The following HECW2 variants were observed in gnomAD, a reference collection of about 807,000 sequenced individuals.
HECW2 encodes the protein E3 ubiquitin-protein ligase HECW2.
Under a neutral mutation model 175.2 loss-of-function variants are expected in HECW2, and 61 were observed. That is an observed-to-expected ratio of 0.35 (90% confidence interval 0.28 to 0.43). The LOEUF (loss-of-function observed/expected upper bound fraction) is 0.43. Among genes scored for constraint, HECW2 ranks in the 20% least tolerant of loss-of-function variants. The pLI is 1.00. For missense variants in HECW2, 1,524 were observed against 2,000.5 expected (o/e 0.76, Z 4.54); for synonymous variants, 671 against 731.0 (o/e 0.92, Z 1.32).
At chr2:196,464,116 T>G (rs553093401) in intron 1 of HECW2, among the ~76,000 whole-genome samples, 1 of 152,212 alleles carries the variant, frequency 6.6e-6, no homozygotes, top group African/African-American at 2.4e-5. Context: ...GCGGCCATTA[T>G]CATCTCAACT....
chr2:196,476,049 G>T lies in HECW2; in HGVS notation c.-35-42591C>A, dbSNP rs73051059. Among the ~76,000 whole-genome samples, 389 of 152,246 alleles carry T rather than the reference G, an allele frequency of 2.6e-3. 1 individual carries two copies. The highest frequency in any genetic ancestry group is 9.1e-3 in the African/African-American group (378 of 41,538). ...ACACAGGGAAAACCCATTTGGTGTAGTGAATGACCCTAGAGTCAAACAGCC... is the reference window on the plus strand; with the variant it reads ...ACACAGGGAAAACCCATTTGGTGTATTGAATGACCCTAGAGTCAAACAGCC... On this transcript the variant is annotated intron_variant, in intron 1 of 28. Coordinates refer to ENST00000644978, the MANE Select transcript of HECW2 (RefSeq NM_001348768.2).
At chr2:196,426,259 A>G (rs374923037) in intron 2 of HECW2, among the ~76,000 whole-genome samples, 1 of 152,132 alleles carries the variant, frequency 6.6e-6, no homozygotes, top group South Asian at 2.1e-4. Flanking sequence ...ACTGGCTTTA[A>G]TTTGCTATTC....
intron 25 of HECW2, 24 bp downstream of exon 25, chr2:196,220,768 ACTC>A: frequency 1.9e-6 from 3 of 1,612,710 alleles, no homozygotes; most frequent in South Asian, 2.2e-5. Context: ...CAGACTGCAA[ACTC>A]CTCCTACTGC....
At chr2:196,372,342 T>C (rs1693929964) in intron 2 of HECW2, among the ~76,000 whole-genome samples, 1 of 152,244 alleles carries the variant, frequency 6.6e-6, no homozygotes, top group Admixed American at 6.5e-5. Context: ...TTCTCCCTTA[T>C]TGAAGACCTG....
chr2:196,308,552 G>A (rs1691359405), intron 10 of HECW2, among the ~76,000 whole-genome samples: 2 of 152,232 alleles, frequency 1.3e-5, no homozygotes, highest in South Asian at 4.1e-4. Flanking sequence ...AGTAAATTTA[G>A]TCCTCAGAAA....
chr2:196,303,672 T>C (rs947579287), intron 13 of HECW2, among the ~76,000 whole-genome samples: 3 of 152,358 alleles, frequency 2.0e-5, no homozygotes, highest in Non-Finnish European at 2.9e-5. Flanking sequence ...CTATTTCTTC[T>C]AGATTTTCTA....
intron 1 of HECW2, among the ~76,000 whole-genome samples, chr2:196,593,146 A>G (rs1691271162): frequency 6.6e-6 from 1 of 151,024 alleles, no homozygotes. Flanking sequence ...AGCGACACCC[A>G]GAGCTCTCGA....
At chr2:196,519,191 C>T (rs996658388) in intron 1 of HECW2, among the ~76,000 whole-genome samples, 4 of 152,174 alleles carry the variant, frequency 2.6e-5, no homozygotes, top group African/African-American at 4.8e-5. Context: ...AGGGGCTAAG[C>T]AGCATGCCCA....
chr2:196,410,068 A>C (rs1695068660), intron 2 of HECW2, among the ~76,000 whole-genome samples: 1 of 152,164 alleles, frequency 6.6e-6, no homozygotes, highest in African/African-American at 2.4e-5. Flanking sequence ...CCTCAAAATA[A>C]GTGCTCATGA....
chr2:196,468,010 T>A (rs1051923097), intron 1 of HECW2, among the ~76,000 whole-genome samples: 1 of 152,058 alleles, frequency 6.6e-6, no homozygotes, highest in Non-Finnish European at 1.5e-5. Context: ...ATTCTCCCAG[T>A]TGTTTCTTTT....
chr2:196,371,194 T>A (rs1011248190), intron 2 of HECW2, among the ~76,000 whole-genome samples: 4 of 152,156 alleles, frequency 2.6e-5, no homozygotes, highest in Non-Finnish European at 4.4e-5. Context: ...TAACAGACAA[T>A]GGTGTAGAGT....
At chr2:196,328,552 T>C (rs1324782435) in intron 5 of HECW2, among the ~76,000 whole-genome samples, 2 of 152,234 alleles carry the variant, frequency 1.3e-5, no homozygotes, top group Non-Finnish European at 2.9e-5. Flanking sequence ...TTATGCTTTG[T>C]GGAATAGTCT....
At chr2:196,355,950 T>C (rs1472687241) in intron 2 of HECW2, among the ~76,000 whole-genome samples, 1 of 152,168 alleles carries the variant, frequency 6.6e-6, no homozygotes. Context: ...AGCAGGGGAC[T>C]GAACCACAGG....
intron 13 of HECW2, among the ~76,000 whole-genome samples, chr2:196,302,896 A>G (rs1691118251): frequency 6.6e-6 from 1 of 152,144 alleles, no homozygotes; most frequent in South Asian, 2.1e-4. Context: ...CTAGCTGAAT[A>G]CCTTTTATTT....
intron 27 of HECW2, 23 bp from the exon 28 acceptor site, chr2:196,216,000 G>A (rs1406327345): frequency 1.9e-6 from 3 of 1,554,240 alleles, no homozygotes; most frequent in Non-Finnish European, 8.9e-7. Flanking sequence ...GAAAACAGAA[G>A]GAGAAGGTGA....
chr2:196,378,014 T>A (rs1229103072), intron 2 of HECW2, among the ~76,000 whole-genome samples: 1 of 152,372 alleles, frequency 6.6e-6, no homozygotes, highest in Admixed American at 6.5e-5. Context: ...TAAATCTGTG[T>A]TCAGATTAGT....
rs907222074 is a variant in HECW2, at chr2:196,312,149, T to G, written c.2435-4064A>C. On this transcript the variant is annotated intron_variant, in intron 10 of 28. Coordinates refer to ENST00000644978, the MANE Select transcript of HECW2 (RefSeq NM_001348768.2). ...AGACCTCGGTCTCCACTGGACCACTTGGCTTATGATCGGATGAGGTGTGAA... is the reference window on the plus strand; with the variant it reads ...AGACCTCGGTCTCCACTGGACCACTGGGCTTATGATCGGATGAGGTGTGAA... Among the ~76,000 whole-genome samples, 5 of 149,828 alleles carry G rather than the reference T, an allele frequency of 3.3e-5. No homozygotes were observed. In the South Asian group the frequency reaches 6.4e-4, roughly 19 times the overall value.
At chr2:196,353,642 T>C (rs1485728516) in intron 2 of HECW2, among the ~76,000 whole-genome samples, 37 of 152,224 alleles carry the variant, frequency 2.4e-4, no homozygotes, top group Non-Finnish European at 8.8e-5. Flanking sequence ...AAAAACAGCC[T>C]GAAGGCTGAA....
At chr2:196,362,791 GA>G (rs1250766932) in intron 2 of HECW2, among the ~76,000 whole-genome samples, 2 of 152,186 alleles carry the variant, frequency 1.3e-5, no homozygotes, top group African/African-American at 2.4e-5. Context: ...CTTTAATGGA[GA>G]AAGGGGCTTT....
Sources: gnomAD v4.1 joint callset for allele counts (sites outside exome capture counted in the v4.1 genomes callset) on GRCh38, gnomAD v4.1.1 for gene constraint, MANE v1.5 for transcripts, NCBI Gene and HGNC (gene_info 2026-07-23, HGNC 2026-07-21) for gene names.